BTNL2: variants seen among roughly 807,000 people sequenced by gnomAD.
BTNL2 encodes butyrophilin-like protein 2.
Under a neutral mutation model 46.8 loss-of-function variants are expected in BTNL2, and 46 were observed. The observed-to-expected ratio is 0.98, with a 90% CI of 0.78 to 1.26. The LOEUF is 1.26. Among genes scored for constraint, BTNL2 ranks in the 50% most tolerant of loss-of-function variants. The pLI is 0.00. For missense variants in BTNL2, 461 were observed against 592.6 expected (o/e 0.78, Z 2.31); for synonymous variants, 226 against 229.1 (o/e 0.99, Z 0.12).
intron 4 of BTNL2, among the ~76,000 whole-genome samples, chr6:32,397,582 T>C (rs118039543): frequency 0.012 from 1,836 of 152,334 alleles, 58 homozygotes; most frequent in East Asian, 0.11. Context: ...TTAAACTACT[T>C]CTTAATCTGT....
At chr6:32,400,748 A>AAATACAAAAAAAC (rs1290472820) in intron 4 of BTNL2, among the ~76,000 whole-genome samples, 1 of 134,398 alleles carries the variant, frequency 7.4e-6, no homozygotes, top group African/African-American at 2.6e-5. Context: ...TCTCTACTAA[A>AAATACAAAAAAAC]AAAAAAAAAA....
In BTNL2 at chr6:32,394,671, A is replaced by G. The variant is rs183078227; in HGVS notation, c.1360+73T>C. ...ATAAAAATCACAAAGGAAGAAGAGC[A>G]ATACAATGAGTAAGTCTGAGTTGGT... On this transcript the variant is annotated intron_variant, in intron 6 of 7. Transcript: ENST00000454136. The surrounding 1 kb of genome is among the most constrained non-coding windows in gnomAD (Gnocchi z 4.6). 1.1e-5 allele frequency: 16 copies of G among 1,475,026 alleles called. No individual in the cohort carries two copies. In the Admixed American group the frequency reaches 2.7e-4, roughly 24 times the overall value. The allele number at this position is 1,475,026 out of a possible 1,614,324, so 91.4% of individuals were successfully genotyped here.
Position 32,396,600 on chromosome 6 carries a change from TGAGTAA to T in BTNL2, c.731-220_731-215del. The T allele has an allele frequency of 1.7e-6, 1 of 573,686 alleles. No homozygotes were observed. Among genetic ancestry groups the T allele is most frequent in the South Asian group, 2.1e-5 (1 of 48,484 alleles). 35.5% of individuals were successfully genotyped at this position (573,686 alleles called of 1,614,324 possible). Reference sequence around the variant, plus strand: ...AATCATTCCATGATGTGTGTCAGTCTGAGTAAAACAGTAATTGAATCCCTACCTGCT... The same window carrying T: ...AATCATTCCATGATGTGTGTCAGTCTAACAGTAATTGAATCCCTACCTGCT... On this transcript the variant is annotated intron_variant, in intron 4 of 7. Coordinates refer to ENST00000454136, the MANE Select transcript of BTNL2 (RefSeq NM_001304561.2). The surrounding 1 kb of genome is among the most constrained non-coding windows in gnomAD (Gnocchi z 4.4).
chr6:32,401,384 C>A (rs1266180752), intron 4 of BTNL2, among the ~76,000 whole-genome samples: 1 of 151,880 alleles, frequency 6.6e-6, no homozygotes, highest in East Asian at 1.9e-4. Context: ...CTGGGTGCAA[C>A]CCAGGTTGTC....
At chr6:32,403,863 G>A (rs73400847) in intron 2 of BTNL2, 15,873 of 152,204 alleles carry the variant, frequency 0.1, 958 homozygotes, top group East Asian at 0.2. Context: ...TCTATTTAAC[G>A]TGAAACTCCC....
chr6:32,395,127 G>C, intron 5 of BTNL2, 102 bp from the exon 6 acceptor site: 4 of 1,269,238 alleles, frequency 3.2e-6, no homozygotes, highest in South Asian at 1.5e-5. Context: ...GCTTGGGGAA[G>C]GGAGAAAAGC....
Position 32,396,246 on chromosome 6 carries a change from C to T in BTNL2, c.871G>A (p.Val291Met), listed in dbSNP as rs565754752. The T allele has an allele frequency of 2.2e-5, 35 of 1,613,124 alleles. No homozygotes were observed. The African/African-American group carries it at 4.5e-4, about 21-fold the overall frequency. The part of the protein sequence containing the change: ...RWDRSHRYPA[V>M]HVYMDGDHVA... The stretch of plus-strand genomic sequence containing the variant: ...TGGTCCCCATCCATATACACATGCA[C>T]AGCAGGGTAACGGTGGGATCGGTCC... Residue 291 changes from valine to methionine, a missense_variant, in exon 5 of 8, where the codon GTG (valine) becomes ATG (methionine). Transcript: ENST00000454136. This position sits in a 1 kb window ranked among gnomAD's most constrained non-coding sequence, Gnocchi z 4.4.
In BTNL2 at chr6:32,401,777, G is replaced by C. The variant is rs116191755; in HGVS notation, c.730+8C>G. 6 of 1,609,894 alleles carry C rather than the reference G, an allele frequency of 3.7e-6. No individual in the cohort carries two copies. Among genetic ancestry groups the C allele is most frequent in the South Asian group, 1.1e-5 (1 of 89,648 alleles). On this transcript the variant is annotated splice_region_variant and intron_variant, in intron 4 of 7. Transcript: ENST00000454136. ...CTCCACAGGTGTGTGCCAGCACCTC[G>C]TACTTACCCAGCTCAGTCTGGAGTT...
Position 32,402,967 on chromosome 6 carries a change from G to A in BTNL2, c.677C>T (p.Thr226Ile). Residue 226 changes from threonine to isoleucine, a missense_variant, in exon 3 of 8, where the codon ACT becomes ATT. Physicochemically the swap from Thr to Ile is moderately conservative, Grantham distance 89. Coordinates refer to ENST00000454136, the MANE Select transcript of BTNL2 (RefSeq NM_001304561.2). The stretch of plus-strand genomic sequence containing the variant: ...GCTGATGACCGACCCCTTCTCCTCA[G>A]TGAGGACGGGGTTGTGGACCAAGCA... ...VSCLVHNPVLTEEKGSVISLP... is the reference protein window; with the variant it reads ...VSCLVHNPVLIEEKGSVISLP... The A allele has an allele frequency of 6.2e-7, 1 of 1,613,080 alleles. No individual in the cohort carries two copies. Among genetic ancestry groups the A allele is most frequent in the Non-Finnish European group, 8.5e-7 (1 of 1,180,022 alleles).
chr6:32,406,989 C>T, intron 1 of BTNL2, 56 bp downstream of exon 1: 1 of 1,537,366 alleles, frequency 6.5e-7, no homozygotes, highest in Non-Finnish European at 9.0e-7. Flanking sequence ...ACCTTTGGAC[C>T]CAGACTAGCT....
chr6:32,405,234 T>C lies in BTNL2; in HGVS notation c.132A>G (p.Glu44=). Reference sequence around the variant, plus strand: ...GTAGCTGGCAGGTTAACAGGGCATCTTCCCCAACCCCGGCCAGGATAGGAT... The same window carrying C: ...GTAGCTGGCAGGTTAACAGGGCATCCTCCCCAACCCCGGCCAGGATAGGAT... ...PAHPILAGVG[E]DALLTCQLLP... The change falls in exon 2 of 8, where the codon GAA becomes GAG. Residue 44 remains glutamate (E), a synonymous_variant. Coordinates refer to ENST00000454136, the MANE Select transcript of BTNL2 (RefSeq NM_001304561.2). 1 of 1,613,068 alleles carries C rather than the reference T, an allele frequency of 6.2e-7. No individual in the cohort carries two copies. Among genetic ancestry groups the C allele is most frequent in the African/African-American group, 1.3e-5 (1 of 75,054 alleles).
intron 3 of BTNL2, 148 bp from the exon 4 acceptor site, chr6:32,401,953 C>A: frequency 1.7e-6 from 1 of 597,072 alleles, no homozygotes; most frequent in Admixed American, 3.1e-5. Context: ...CTGATTCTTT[C>A]CCACAGATTA....
At position 32,403,008 on chromosome 6, in the gene BTNL2, A is replaced by C. The variant is rs1410424052; in HGVS notation, c.636T>G (p.Ser212=). 10 of 1,612,784 alleles carry C rather than the reference A, an allele frequency of 6.2e-6. No homozygotes were observed. The highest frequency in any genetic ancestry group is 7.6e-6 in the Non-Finnish European group (9 of 1,179,930). The change falls in exon 3 of 8, where the codon TCT becomes TCG. Residue 212 remains serine (S), a synonymous_variant. Transcript: ENST00000454136. ...AEATLVVRNA[S]AESVSCLVHN... ...GGACCAAGCAGGACACAGACTCTGC[A>C]GAGGCGTTCCTGACCACCAGGGTGG...
chr6:32,403,055 C>G lies in BTNL2; in HGVS notation c.589G>C (p.Asp197His), dbSNP rs143816072. 1.1e-5 allele frequency: 17 copies of G among 1,612,790 alleles called. No individual in the cohort carries two copies. The African/African-American group carries it at 2.3e-4, about 22-fold the overall frequency. ...AVSEHRIQDK[D>H]GLFYAEATLV... ...GTGGCTTCCGCATAGAACAGGCCAT[C>G]TTTATCTTGGATGCGATGCTCAGAC... is the stretch of plus-strand genomic sequence containing the variant. Residue 197 changes from aspartate to histidine, a missense_variant, in exon 3 of 8, where the codon GAT becomes CAT. By Grantham distance (81) the Asp-to-His change is moderately conservative (BLOSUM62 -1). Coordinates refer to ENST00000454136, the MANE Select transcript of BTNL2 (RefSeq NM_001304561.2).
intron 2 of BTNL2, 100 bp from the exon 3 acceptor site, chr6:32,403,316 G>T: frequency 7.4e-7 from 1 of 1,350,436 alleles, no homozygotes; most frequent in Non-Finnish European, 9.9e-7. Flanking sequence ...GGTGGCCGGA[G>T]TTCAGGAGTC....
rs750019726 is a variant in BTNL2, at chr6:32,405,158, G to T, written c.208C>A (p.Pro70Thr). The change falls in exon 2 of 8, where the codon CCC becomes ACC. Residue 70 changes from proline (P) to threonine (T), a missense_variant. By Grantham distance (38) the Pro-to-Thr change is conservative. Coordinates refer to ENST00000454136, the MANE Select transcript of BTNL2 (RefSeq NM_001304561.2). ...CTGTGCACAAACACAGGTGTGCTGG[G>T]CTCTGAGCGGTACCACCTCACCTCC... ...HVEVRWYRSE[P>T]STPVFVHRDG... The T allele has an allele frequency of 4.3e-6, 7 of 1,612,894 alleles. No individual in the cohort carries two copies. The African/African-American group carries it at 8.0e-5, about 18-fold the overall frequency.
In BTNL2 at chr6:32,394,851, T is replaced by C; in HGVS notation, c.1253A>G (p.His418Arg). The change falls in exon 6 of 8, where the codon CAC becomes CGC. Residue 418 changes from histidine to arginine, a missense_variant. Physicochemically the swap from His to Arg is conservative, Grantham distance 29. Coordinates refer to ENST00000454136, the MANE Select transcript of BTNL2 (RefSeq NM_001304561.2). The surrounding 1 kb of genome is among the most constrained non-coding windows in gnomAD (Gnocchi z 4.6). ...ALTQGSHGLF[H>R]VQTLLRVTNI... ...TGTGACCCTTAGCAATGTCTGCACG[T>C]GGAACAGCCCGTGGCTGCCTTGAGT... The C allele has an allele frequency of 6.2e-7, 1 of 1,614,228 alleles. No homozygotes were observed. Among genetic ancestry groups the C allele is most frequent in the East Asian group, 2.2e-5 (1 of 44,886 alleles).
intron 2 of BTNL2, among the ~76,000 whole-genome samples, chr6:32,403,461 A>T (rs1447856509): frequency 6.6e-6 from 1 of 152,214 alleles, no homozygotes; most frequent in African/African-American, 2.4e-5. Context: ...GGGGAATCGG[A>T]GAAGGGGGAC....
intron 3 of BTNL2, 48 bp downstream of exon 3, chr6:32,402,887 C>T: frequency 6.3e-7 from 1 of 1,585,608 alleles, no homozygotes; most frequent in Non-Finnish European, 8.6e-7. Context: ...GTCCCTGGGA[C>T]CTCTCCTGCT....
Sources: gnomAD v4.1 joint callset for allele counts (sites outside exome capture counted in the v4.1 genomes callset) on GRCh38, gnomAD v4.1.1 for gene constraint, Gnocchi (gnomAD v3.1) non-coding constraint, MANE v1.5 for transcripts, NCBI Gene and HGNC (gene_info 2026-07-23, HGNC 2026-07-21) for gene names.